CLNS1A: variants seen among roughly 807,000 people sequenced by gnomAD.
The protein encoded by CLNS1A is methylosome subunit pICln.
A neutral mutation model predicts 29.4 loss-of-function variants in CLNS1A; 16 were observed. The ratio of observed to expected loss-of-function variants is 0.54; its 90% confidence interval spans 0.37 to 0.83. The LOEUF (loss-of-function observed/expected upper bound fraction) is 0.83. Among genes scored for constraint, CLNS1A ranks in the 40% least tolerant of loss-of-function variants. CLNS1A has a pLI of 0.00. For synonymous variants in CLNS1A, 96 were observed against 104.8 expected, an observed-to-expected ratio of 0.92 and a Z score of 0.51; for missense variants, 235 against 287.4, an observed-to-expected ratio of 0.82 and a Z score of 1.32.
rs1958935265 is a variant in CLNS1A, at chr11:77,619,461, C to A, written c.*22+145G>T. 11 of 623,380 alleles carry A rather than the reference C, an allele frequency of 1.8e-5. 1 individual carries two copies. In the South Asian group the frequency reaches 2.1e-4, roughly 12 times the overall value. 38.6% of individuals were successfully genotyped at this position (623,380 alleles called of 1,614,324 possible). On this transcript the variant is annotated intron_variant, in intron 6 of 6. Transcript: ENST00000525428. ...GCAGGTGGATTGCTTGAGTTCAAGG[C>A]TGTAGTGAGCTAGGATCATGCCACT...
chr11:77,622,061 A>C, intron 5 of CLNS1A: 1 of 456,380 alleles, frequency 2.2e-6, no homozygotes, highest in Non-Finnish European at 4.4e-6. Flanking sequence ...AGATGCCTGA[A>C]TTGACAGCCC....
At chr11:77,617,606 A>ATAAACATTT (rs1958917972) in intron 6 of CLNS1A, among the ~76,000 whole-genome samples, 1 of 151,934 alleles carries the variant, frequency 6.6e-6, no homozygotes, top group Non-Finnish European at 1.5e-5. Flanking sequence ...AAGAATATGT[A>ATAAACATTT]TAAACATTAT....
intron 2 of CLNS1A, among the ~76,000 whole-genome samples, chr11:77,629,520 A>G (rs1295796096): frequency 6.6e-6 from 1 of 151,684 alleles, no homozygotes; most frequent in East Asian, 1.9e-4. Context: ...CAGTCTCCTG[A>G]GTAGCTGGGA....
At chr11:77,635,630 C>T (rs886694738) in intron 1 of CLNS1A, among the ~76,000 whole-genome samples, 2 of 152,118 alleles carry the variant, frequency 1.3e-5, no homozygotes, top group African/African-American at 2.4e-5. Flanking sequence ...GTATTACAGG[C>T]GTGAGCCACC....
intron 4 of CLNS1A, among the ~76,000 whole-genome samples, chr11:77,622,949 GAA>G (rs35752186): frequency 1.0e-4 from 11 of 105,794 alleles, no homozygotes; most frequent in African/African-American, 1.1e-4. Flanking sequence ...CCTTGTCTTG[GAA>G]AAAAAAAAAA....
At chr11:77,625,395 C>T in intron 3 of CLNS1A, 1 of 445,724 alleles carries the variant, frequency 2.2e-6, no homozygotes, top group Non-Finnish European at 3.9e-6. Context: ...AGATCTTCCA[C>T]TTTAAAACTG....
intron 6 of CLNS1A, chr11:77,618,512 G>A (rs751228644): frequency 1.5e-4 from 23 of 152,122 alleles, no homozygotes; most frequent in Admixed American, 4.6e-4. Context: ...AGTATTTAAG[G>A]GAAAATATAA....
rs1028665212 is a variant in CLNS1A at position 77,623,159 on chromosome 11, G to GA, written c.473-487dup. On this transcript the variant is annotated intron_variant, in intron 4 of 6. Coordinates refer to ENST00000525428, the MANE Select transcript of CLNS1A (RefSeq NM_001293.3). ...CAAAGAATCCCAAGTCCAGGGACTA[G>GA]AAAAAAAAAGTGTGTTCCTAAGGTC... Among the ~76,000 whole-genome samples the GA allele has an allele frequency of 2.0e-5, 3 of 151,350 alleles. 1 individual carries two copies. Among genetic ancestry groups the GA allele is most frequent in the African/African-American group, 7.3e-5 (3 of 41,290 alleles).
chr11:77,619,932 TA>T (rs1958940136), intron 5 of CLNS1A, among the ~76,000 whole-genome samples: 1 of 152,224 alleles, frequency 6.6e-6, no homozygotes, highest in South Asian at 2.1e-4. Flanking sequence ...AATACTAAAA[TA>T]ACTCTATGTA....
chr11:77,619,599 T>C lies in CLNS1A; in HGVS notation c.*22+7A>G. The C allele has an allele frequency of 6.6e-7, 1 of 1,518,754 alleles. No individual in the cohort carries two copies. The highest frequency in any genetic ancestry group is 9.1e-7 in the Non-Finnish European group (1 of 1,092,982). 94.1% of individuals were successfully genotyped at this position (1,518,754 alleles called of 1,614,324 possible). A position where few individuals can be genotyped will look rare whatever the true frequency, so the allele number is the denominator to read the frequency against. The stretch of plus-strand genomic sequence containing the variant: ...ATCAGCGACAAGGGAGAAAATGAAC[T>C]ACTCACCTTAAACTTGCATAAATCA... On this transcript the variant is annotated splice_region_variant and intron_variant, in intron 6 of 6. Coordinates refer to ENST00000525428, the MANE Select transcript of CLNS1A (RefSeq NM_001293.3).
intron 6 of CLNS1A, 91 bp downstream of exon 6, chr11:77,619,515 C>T: frequency 2.3e-6 from 2 of 855,552 alleles, no homozygotes; most frequent in Admixed American, 2.0e-5. Context: ...CAGAGTAAGA[C>T]CCTGTCTCAA....
At chr11:77,636,254 G>T (rs919684052) in intron 1 of CLNS1A, among the ~76,000 whole-genome samples, 10 of 152,034 alleles carry the variant, frequency 6.6e-5, no homozygotes, top group Non-Finnish European at 1.5e-4. Flanking sequence ...TTTTTGTAGA[G>T]ACTGGGTTTC....
chr11:77,637,261 A>G (rs1433793654), intron 1 of CLNS1A, among the ~76,000 whole-genome samples: 1 of 127,782 alleles, frequency 7.8e-6, no homozygotes, highest in Admixed American at 8.0e-5. Context: ...AAAAAAAAAG[A>G]AAATAAAAGA....
intron 1 of CLNS1A, among the ~76,000 whole-genome samples, chr11:77,631,218 A>G (rs1959070258): frequency 1.3e-5 from 2 of 152,216 alleles, no homozygotes; most frequent in Admixed American, 1.3e-4. Context: ...GTCTAACCAC[A>G]TGACCCTCAG....
rs1958907592 is a variant in CLNS1A, at chr11:77,616,590, G to C, written c.*128C>G. 6.6e-6 allele frequency: 1 copy of C among 152,566 alleles called. No individual in the cohort carries two copies. The highest frequency in any genetic ancestry group is 2.4e-5 in the African/African-American group (1 of 41,426). The allele number at this position is 152,566 out of a possible 1,614,324, so 9.5% of individuals were successfully genotyped here. A position where few individuals can be genotyped will look rare whatever the true frequency, so the allele number is the denominator to read the frequency against. On this transcript the variant is annotated 3_prime_UTR_variant, in exon 7 of 7. Coordinates refer to ENST00000525428, the MANE Select transcript of CLNS1A (RefSeq NM_001293.3). The stretch of plus-strand genomic sequence containing the variant: ...GTTGTCTCAGTATAGTCTGTCTCAA[G>C]AAAGAACTGGTTCAGGTTGGGTTTT...
intron 1 of CLNS1A, among the ~76,000 whole-genome samples, chr11:77,634,250 T>A (rs1411138300): frequency 3.3e-5 from 5 of 152,156 alleles, no homozygotes; most frequent in Non-Finnish European, 5.9e-5. Context: ...AACTAAATAG[T>A]TTCACCAAAG....
chr11:77,619,573 G>A, intron 6 of CLNS1A, 33 bp downstream of exon 6: 1 of 1,275,598 alleles, frequency 7.8e-7, no homozygotes, highest in Non-Finnish European at 1.1e-6. Context: ...TGATTTTCAT[G>A]ATCAGCGACA....
At chr11:77,633,431 A>G (rs1959094122) in intron 1 of CLNS1A, among the ~76,000 whole-genome samples, 1 of 152,258 alleles carries the variant, frequency 6.6e-6, no homozygotes, top group Non-Finnish European at 1.5e-5. Context: ...TATATATTCT[A>G]GAAGAAATCC....
At chr11:77,623,760 A>T (rs1018964289) in intron 4 of CLNS1A, among the ~76,000 whole-genome samples, 34 of 152,186 alleles carry the variant, frequency 2.2e-4, no homozygotes, top group African/African-American at 8.2e-4. Flanking sequence ...ATATGAAGGA[A>T]AGGGCTTTGG....
Sources: allele counts gnomAD v4.1 joint callset (sites outside exome capture counted in the v4.1 genomes callset), GRCh38; gene constraint gnomAD v4.1.1; transcripts MANE v1.5; gene names NCBI Gene and HGNC (gene_info 2026-07-23, HGNC 2026-07-21).